The following EML5 variants were observed in gnomAD, a reference collection of about 807,000 sequenced individuals.
EML5 encodes the protein EMAP like 5.
In EML5, 120 loss-of-function variants were observed where a neutral mutation model predicts 250.0. The ratio of observed to expected loss-of-function variants is 0.48; its 90% CI spans 0.41 to 0.56. The LOEUF (loss-of-function observed/expected upper bound fraction) is 0.56, where lower values mean the gene tolerates loss of function less well. Ranked by LOEUF, EML5 falls within the 20% of genes least tolerant of loss-of-function variation. The probability of loss-of-function intolerance (pLI) is 0.00; values close to 1 mark genes in which losing one functional copy is unlikely to be tolerated. For synonymous variants in EML5, 771 were observed against 806.5 expected, an observed-to-expected ratio of 0.96 and a Z score of 0.75; for missense variants, 2,006 against 2,437.6, an observed-to-expected ratio of 0.82 and a Z score of 3.73.
In EML5 at chr14:88,792,201, G is replaced by T; in HGVS notation, c.197+106C>A. 1 of 1,349,466 alleles carries T rather than the reference G, an allele frequency of 7.4e-7. No individual in the cohort carries two copies. 83.6% of individuals were successfully genotyped at this position (1,349,466 alleles called of 1,614,324 possible). A position where few individuals can be genotyped will look rare whatever the true frequency, so the allele number is the denominator to read the frequency against. On this transcript the variant is annotated intron_variant, in intron 1 of 43. Coordinates refer to ENST00000554922, the MANE Select transcript of EML5 (RefSeq NM_183387.3). This position sits in a 1 kb window ranked among gnomAD's most constrained non-coding sequence, Gnocchi z 6.9. Reference sequence around the variant, plus strand: ...GAGAGACAGCTGCGGATTCCCCTCGGGGTGATGCTCCGTGCAGGAGCGGTC... The same window carrying T: ...GAGAGACAGCTGCGGATTCCCCTCGTGGTGATGCTCCGTGCAGGAGCGGTC...
chr14:88,650,622 G>GT (rs1174166566), intron 27 of EML5, among the ~76,000 whole-genome samples: 1 of 151,940 alleles, frequency 6.6e-6, no homozygotes, highest in African/African-American at 2.4e-5. Flanking sequence ...GTATTTAATT[G>GT]TTTTTAATTT....
intron 5 of EML5, among the ~76,000 whole-genome samples, chr14:88,739,336 G>A (rs763691980): frequency 2.1e-4 from 32 of 152,208 alleles, no homozygotes; most frequent in Non-Finnish European, 3.5e-4. Context: ...CATAGATAGG[G>A]AGGGCTTTAC....
chr14:88,717,572 G>A (rs1043855458), intron 8 of EML5, among the ~76,000 whole-genome samples: 6 of 151,918 alleles, frequency 3.9e-5, no homozygotes, highest in African/African-American at 1.5e-4. Context: ...TGGCTAACAC[G>A]GTGAAACCCC....
intron 7 of EML5, among the ~76,000 whole-genome samples, chr14:88,731,624 G>C (rs1397004257): frequency 6.6e-6 from 1 of 152,182 alleles, no homozygotes; most frequent in East Asian, 1.9e-4. Context: ...TCTAGTTCTA[G>C]ATCCTTGAGG....
intron 39 of EML5, chr14:88,619,714 CTT>C (rs1428642435): frequency 1.3e-5 from 2 of 151,988 alleles, no homozygotes; most frequent in African/African-American, 2.4e-5. Flanking sequence ...AAGTCTCGCT[CTT>C]GTCTCCCAGG....
intron 20 of EML5, among the ~76,000 whole-genome samples, chr14:88,682,715 T>C (rs2092741909): frequency 1.3e-5 from 2 of 152,182 alleles, no homozygotes; most frequent in African/African-American, 2.4e-5. Flanking sequence ...GGCTAAATTC[T>C]TGTTGAGCTC....
At position 88,792,400 on chromosome 14, in the gene EML5, T is replaced by C. The variant is rs1029640541; in HGVS notation, c.104A>G (p.Glu35Gly). The change falls in exon 1 of 44, where the codon GAG becomes GGG. Residue 35 changes from glutamate to glycine, a missense_variant. Physicochemically the swap from Glu to Gly is moderately conservative, Grantham distance 98 (BLOSUM62 -2). Around this residue, in one of 7 missense-constraint regions of EML5, gnomAD observed 162 missense variants for 212.2 expected, o/e 0.76. Coordinates refer to ENST00000554922, the MANE Select transcript of EML5 (RefSeq NM_183387.3). The surrounding 1 kb of genome is among the most constrained non-coding windows in gnomAD (Gnocchi z 6.9). ...RNNLYYTAAK[E>G]IVYFVAGVGV... ...GACCCCCGCCACGAAGTATACGATC[T>C]CCTTGGCCGCAGTGTAGTAGAGGTT... 3 of 1,568,176 alleles carry C rather than the reference T, an allele frequency of 1.9e-6. No individual in the cohort carries two copies. The highest frequency in any genetic ancestry group is 2.6e-6 in the Non-Finnish European group (3 of 1,158,686).
chr14:88,612,792 T>G lies in EML5; in HGVS notation c.*3026A>C, dbSNP rs1235504794. 2.0e-5 allele frequency: 3 copies of G among 152,568 alleles called. No individual in the cohort carries two copies. Among genetic ancestry groups the G allele is most frequent in the Non-Finnish European group, 2.9e-5 (2 of 68,018 alleles). The allele number at this position is 152,568 out of a possible 1,614,324, so 9.5% of individuals were successfully genotyped here. A position where few individuals can be genotyped will look rare whatever the true frequency, so the allele number is the denominator to read the frequency against. On this transcript the variant is annotated 3_prime_UTR_variant, in exon 44 of 44. Coordinates refer to ENST00000554922, the MANE Select transcript of EML5 (RefSeq NM_183387.3). ...CTACTGTATTACTTACAGAGTTTTT[T>G]TGTGTGTGGTTTTTAAAACTGTTAA... is the stretch of plus-strand genomic sequence containing the variant.
intron 7 of EML5, among the ~76,000 whole-genome samples, chr14:88,730,130 C>T (rs1247056051): frequency 1.3e-5 from 2 of 152,060 alleles, no homozygotes; most frequent in African/African-American, 4.8e-5. Flanking sequence ...TAGAATGTTA[C>T]ATTTTTAAGG....
rs2094620712 is a variant in EML5 at position 88,792,475 on chromosome 14, T to C, written c.29A>G (p.His10Arg). 2.7e-6 allele frequency: 4 copies of C among 1,487,034 alleles called. No homozygotes were observed. The East Asian group carries it at 1.1e-4, about 43-fold the overall frequency. The allele number at this position is 1,487,034 out of a possible 1,614,324, so 92.1% of individuals were successfully genotyped here. The change falls in exon 1 of 44, where the codon CAC (histidine) becomes CGC (arginine). Residue 10 changes from histidine (H) to arginine (R), a missense_variant. Transcript: ENST00000554922. The surrounding 1 kb of genome is among the most constrained non-coding windows in gnomAD (Gnocchi z 6.9). MAARSAPSC[H>R]LRLEWVYGYR... ...GCCGTACACCCACTCGAGCCGCAGGTGGCAGCTCGGGGCGCTCCGGGCCGC... is the reference window on the plus strand; with the variant it reads ...GCCGTACACCCACTCGAGCCGCAGGCGGCAGCTCGGGGCGCTCCGGGCCGC...
rs564953546 is a variant in EML5 at position 88,736,624 on chromosome 14, G to GCAGA, written c.848-63_848-60dup. 3.5e-5 allele frequency: 54 copies of GCAGA among 1,530,624 alleles called. 2 individuals are homozygous for GCAGA. In the South Asian group the frequency reaches 6.1e-4, roughly 17 times the overall value. The allele number at this position is 1,530,624 out of a possible 1,614,324, so 94.8% of individuals were successfully genotyped here. A position where few individuals can be genotyped will look rare whatever the true frequency, so the allele number is the denominator to read the frequency against. On this transcript the variant is annotated intron_variant, in intron 6 of 43. Coordinates refer to ENST00000554922, the MANE Select transcript of EML5 (RefSeq NM_183387.3). ...GCTGTAATAATGATAGCAGCAGGAG[G>GCAGA]CAGACAAATCCCTATGCAGATAGGG...
At chr14:88,626,528 G>A (rs2089967268) in intron 35 of EML5, 1 of 288,342 alleles carries the variant, frequency 3.5e-6, no homozygotes, top group African/African-American at 2.2e-5. Context: ...GGAGGCTGAG[G>A]ATCACTTGAA....
chr14:88,785,969 G>T (rs1217247057), intron 1 of EML5, among the ~76,000 whole-genome samples: 1 of 152,086 alleles, frequency 6.6e-6, no homozygotes, highest in African/African-American at 2.4e-5. Flanking sequence ...TATAAAATCT[G>T]CCCCCACCAC....
intron 41 of EML5, chr14:88,617,898 G>A (rs1261931131): frequency 5.7e-6 from 1 of 174,990 alleles, no homozygotes; most frequent in Non-Finnish European, 1.2e-5. Context: ...CATTCCTTTA[G>A]ATAGAGAATT....
At chr14:88,660,282 TAAAA>T (rs35634830) in intron 25 of EML5, among the ~76,000 whole-genome samples, 1 of 133,880 alleles carries the variant, frequency 7.5e-6, no homozygotes. Context: ...GACGCTGTCT[TAAAA>T]AAAAAAAAAA....
rs952319508 is a variant in EML5 at position 88,614,232 on chromosome 14, A to T, written c.*1586T>A. ...TTTTCCTCCTTTAATTTATTGACTGACTGTAAATACATGAGTAGAAACTTA... is the reference window on the plus strand; with the variant it reads ...TTTTCCTCCTTTAATTTATTGACTGTCTGTAAATACATGAGTAGAAACTTA... On this transcript the variant is annotated 3_prime_UTR_variant, in exon 44 of 44. Transcript: ENST00000554922. The T allele has an allele frequency of 6.6e-6, 1 of 152,186 alleles. No homozygotes were observed. The highest frequency in any genetic ancestry group is 2.4e-5 in the African/African-American group (1 of 41,434). 9.4% of individuals were successfully genotyped at this position (152,186 alleles called of 1,614,324 possible).
At chr14:88,753,970 C>T (rs2140374442) in intron 2 of EML5, among the ~76,000 whole-genome samples, 1 of 151,724 alleles carries the variant, frequency 6.6e-6, no homozygotes, top group Non-Finnish European at 1.5e-5. Flanking sequence ...GAGATCCCAT[C>T]TCTACCAAAA....
intron 4 of EML5, 53 bp from the exon 5 acceptor site, chr14:88,740,625 T>C: frequency 1.4e-6 from 2 of 1,444,734 alleles, no homozygotes; most frequent in Non-Finnish European, 1.9e-6. Flanking sequence ...TAAAATAAAG[T>C]AAAACATTCC....
At chr14:88,743,153 T>C (rs1176539225) in intron 4 of EML5, among the ~76,000 whole-genome samples, 1 of 152,010 alleles carries the variant, frequency 6.6e-6, no homozygotes, top group Non-Finnish European at 1.5e-5. Context: ...GAGAGATTTG[T>C]TAAAGGATAC....
Sources: gnomAD v4.1 joint callset for allele counts (sites outside exome capture counted in the v4.1 genomes callset) on GRCh38, gnomAD v4.1.1 for gene constraint, gnomAD v4.1.1 regional missense constraint, Gnocchi (gnomAD v3.1) non-coding constraint, MANE v1.5 for transcripts, NCBI Gene and HGNC (gene_info 2026-07-23, HGNC 2026-07-21) for gene names.